The following RAPGEF4 variants were observed in gnomAD, a reference collection of about 807,000 sequenced individuals.
RAPGEF4 encodes Rap guanine nucleotide exchange factor 4.
A neutral mutation model predicts 147.9 loss-of-function variants in RAPGEF4; 66 were observed. That is an observed-to-expected ratio of 0.45 (90% CI 0.37 to 0.55). The LOEUF is 0.55. Ranked by LOEUF, RAPGEF4 falls within the 20% of genes least tolerant of loss-of-function variation. The pLI is 0.00. For missense variants in RAPGEF4, 1,071 were observed against 1,257.3 expected (o/e 0.85, Z 2.24); for synonymous variants, 419 against 442.7 (o/e 0.95, Z 0.67).
Position 172,919,404 on chromosome 2 carries a change from G to A in RAPGEF4, c.517+1530G>A, listed in dbSNP as rs377569444. Among the ~76,000 whole-genome samples, 13 of 152,192 alleles carry A rather than the reference G, an allele frequency of 8.5e-5. No homozygotes were observed. In the South Asian group the frequency reaches 2.7e-3, roughly 32 times the overall value. On this transcript the variant is annotated intron_variant, in intron 5 of 30. Transcript: ENST00000397081. ...GTTACCAGTGACCAACCAATAACCAGACCTGATCATTCCCGTTGCCCACGT... is the reference window on the plus strand; with the variant it reads ...GTTACCAGTGACCAACCAATAACCAAACCTGATCATTCCCGTTGCCCACGT...
intron 29 of RAPGEF4, among the ~76,000 whole-genome samples, chr2:173,043,227 C>A (rs1186671880): frequency 6.6e-6 from 1 of 152,190 alleles, no homozygotes; most frequent in African/African-American, 2.4e-5. Context: ...ATTTGATAGG[C>A]ATAGGTCTGG....
At chr2:172,841,759 AACAG>A (rs1296425151) in intron 4 of RAPGEF4, among the ~76,000 whole-genome samples, 2 of 150,636 alleles carry the variant, frequency 1.3e-5, no homozygotes, top group African/African-American at 4.9e-5. Flanking sequence ...CAATTCCCCA[AACAG>A]ACATCCAAAT....
chr2:172,792,527 C>A (rs1685925261), intron 1 of RAPGEF4, among the ~76,000 whole-genome samples: 2 of 152,142 alleles, frequency 1.3e-5, no homozygotes, highest in South Asian at 4.1e-4. Flanking sequence ...GAATCCAAAC[C>A]CTTCTAGTAG....
At chr2:172,976,806 G>T (rs1691122496) in intron 10 of RAPGEF4, among the ~76,000 whole-genome samples, 1 of 152,110 alleles carries the variant, frequency 6.6e-6, no homozygotes, top group Non-Finnish European at 1.5e-5. Flanking sequence ...TAAATTCCTT[G>T]ATAAAACTGT....
rs142167947 is a variant in RAPGEF4 at position 173,034,017 on chromosome 2, C to T, written c.2700+53C>T. ...TTCACTGTCTACATTAATCCAATTT[C>T]TGATTAGCTGAATTGAAGTTCTCAT... On this transcript the variant is annotated intron_variant, in intron 27 of 30. Transcript: ENST00000397081. 5.4e-4 allele frequency: 816 copies of T among 1,513,592 alleles called. 4 individuals are homozygous for T. The African/African-American group carries it at 0.011, about 19-fold the overall frequency. 93.8% of individuals were successfully genotyped at this position (1,513,592 alleles called of 1,614,324 possible). A position where few individuals can be genotyped will look rare whatever the true frequency, so the allele number is the denominator to read the frequency against.
chr2:172,789,326 G>T (rs1010830193), intron 1 of RAPGEF4, among the ~76,000 whole-genome samples: 1 of 152,104 alleles, frequency 6.6e-6, no homozygotes, highest in African/African-American at 2.4e-5. Flanking sequence ...TATTCTATTG[G>T]CTAAAAGCAA....
chr2:173,039,556 T>G (rs1279230426), intron 29 of RAPGEF4, among the ~76,000 whole-genome samples: 2 of 151,828 alleles, frequency 1.3e-5, no homozygotes, highest in African/African-American at 4.8e-5. Context: ...TACATCCACT[T>G]GGTTCAAGAT....
At position 172,797,667 on chromosome 2, in the gene RAPGEF4, A is replaced by G; in HGVS notation, c.297+54A>G. ...GATTTATTTTTTTTAAAGACTTATTATCCCTATGTCTTTTATGCCATTAAA... is the reference window on the plus strand; with the variant it reads ...GATTTATTTTTTTTAAAGACTTATTGTCCCTATGTCTTTTATGCCATTAAA... On this transcript the variant is annotated intron_variant, in intron 3 of 30. Coordinates refer to ENST00000397081, the MANE Select transcript of RAPGEF4 (RefSeq NM_007023.4). The G allele has an allele frequency of 3.7e-6, 5 of 1,334,000 alleles. No homozygotes were observed. In the East Asian group the frequency reaches 1.2e-4, roughly 32 times the overall value. 82.6% of individuals were successfully genotyped at this position (1,334,000 alleles called of 1,614,324 possible). A position where few individuals can be genotyped will look rare whatever the true frequency, so the allele number is the denominator to read the frequency against.
intron 1 of RAPGEF4, among the ~76,000 whole-genome samples, 167 bp from the exon 2 acceptor site, chr2:172,794,858 C>G (rs2149545461): frequency 6.6e-6 from 1 of 152,282 alleles, no homozygotes; most frequent in Non-Finnish European, 1.5e-5. Flanking sequence ...CCAGAAATGT[C>G]TGTATTAGCC....
At chr2:172,811,634 GC>G (rs1688034245) in intron 3 of RAPGEF4, among the ~76,000 whole-genome samples, 1 of 152,212 alleles carries the variant, frequency 6.6e-6, no homozygotes, top group Non-Finnish European at 1.5e-5. Flanking sequence ...GACACTTTCA[GC>G]AGCAGGCGAA....
chr2:172,994,621 A>G (rs535811597), intron 15 of RAPGEF4, among the ~76,000 whole-genome samples: 1 of 152,370 alleles, frequency 6.6e-6, no homozygotes, highest in African/African-American at 2.4e-5. Flanking sequence ...CCGTTTCCTG[A>G]TTAATGTGGC....
chr2:173,047,678 CT>C (rs201627058), intron 29 of RAPGEF4, among the ~76,000 whole-genome samples: 36,881 of 145,822 alleles, frequency 0.25, 4,829 homozygotes, highest in East Asian at 0.62. Flanking sequence ...TTCTGAATTT[CT>C]TTTTTTTTTT....
In RAPGEF4 at chr2:172,962,774, A is replaced by G. The variant is rs571702876; in HGVS notation, c.698+1546A>G. ...AGACACATTCCATCTCTTAGGACAG[A>G]TTGATTACTTAGCCCTTTTTATGTT... On this transcript the variant is annotated intron_variant, in intron 8 of 30. Transcript: ENST00000397081. Among the ~76,000 whole-genome samples, 76 of 152,208 alleles carry G rather than the reference A, an allele frequency of 5.0e-4. No individual in the cohort carries two copies. In the Middle Eastern group the frequency reaches 0.014, roughly 27 times the overall value.
At chr2:172,818,644 A>G (rs1414079476) in intron 4 of RAPGEF4, among the ~76,000 whole-genome samples, 3 of 152,220 alleles carry the variant, frequency 2.0e-5, no homozygotes, top group Non-Finnish European at 4.4e-5. Context: ...CAGGAGCTGC[A>G]GGCTAGAACA....
rs548250819 is a variant in RAPGEF4, at chr2:172,995,729, A to G, written c.1491-737A>G. 3.3e-4 allele frequency among the ~76,000 whole-genome samples: 50 copies of G among 152,362 alleles called. No individual in the cohort carries two copies. The South Asian group carries it at 5.6e-3, about 17-fold the overall frequency. ...ACTGTCTTGAGTATGATTTTGAAACAGTTCACATGCAACTTAAAAAATAAA... is the reference window on the plus strand; with the variant it reads ...ACTGTCTTGAGTATGATTTTGAAACGGTTCACATGCAACTTAAAAAATAAA... On this transcript the variant is annotated intron_variant, in intron 15 of 30. Coordinates refer to ENST00000397081, the MANE Select transcript of RAPGEF4 (RefSeq NM_007023.4).
chr2:172,994,699 GAATT>G (rs1221488752), intron 15 of RAPGEF4, among the ~76,000 whole-genome samples: 1 of 152,146 alleles, frequency 6.6e-6, no homozygotes, highest in Non-Finnish European at 1.5e-5. Flanking sequence ...AGGAATTACT[GAATT>G]AATTGAGCAA....
intron 3 of RAPGEF4, among the ~76,000 whole-genome samples, chr2:172,812,553 C>T (rs1419864497): frequency 6.6e-6 from 1 of 152,168 alleles, no homozygotes; most frequent in Non-Finnish European, 1.5e-5. Context: ...TGGTGACAAA[C>T]TACTCGTGTC....
chr2:172,757,418 A>G (rs542798778), intron 1 of RAPGEF4, among the ~76,000 whole-genome samples: 4 of 152,312 alleles, frequency 2.6e-5, no homozygotes, highest in Admixed American at 2.6e-4. Flanking sequence ...TTTTAATACC[A>G]GATGCCCCCA....
chr2:172,983,713 T>C lies in RAPGEF4; in HGVS notation c.1089+133T>C. The C allele has an allele frequency of 9.9e-6, 14 of 1,421,028 alleles. 1 individual carries two copies. The South Asian group carries it at 1.6e-4, about 16-fold the overall frequency. 88.0% of individuals were successfully genotyped at this position (1,421,028 alleles called of 1,614,324 possible). A position where few individuals can be genotyped will look rare whatever the true frequency, so the allele number is the denominator to read the frequency against. On this transcript the variant is annotated intron_variant, in intron 11 of 30. Coordinates refer to ENST00000397081, the MANE Select transcript of RAPGEF4 (RefSeq NM_007023.4). ...ACCTCATAAATCACCTCTACTCTCT[T>C]ACGAGATGCTGAGGAAGTTATACCC...
Sources: gnomAD v4.1 joint callset for allele counts (sites outside exome capture counted in the v4.1 genomes callset) on GRCh38, gnomAD v4.1.1 for gene constraint, MANE v1.5 for transcripts, NCBI Gene and HGNC (gene_info 2026-07-23, HGNC 2026-07-21) for gene names.